MYOM1: variants seen among roughly 807,000 people sequenced by gnomAD.
The protein encoded by MYOM1 is myomesin 1.
In MYOM1, 164 loss-of-function variants were observed where a neutral mutation model predicts 205.3. The observed-to-expected ratio is 0.80, with a 90% confidence interval of 0.70 to 0.91. MYOM1 has a LOEUF of 0.91. Ranked by LOEUF, MYOM1 falls within the 40% of genes least tolerant of loss-of-function variation. The pLI is 0.00. For missense variants in MYOM1, 2,011 were observed against 2,127.3 expected, an observed-to-expected ratio of 0.95 and a Z score of 1.08; for synonymous variants, 772 against 789.4, an observed-to-expected ratio of 0.98 and a Z score of 0.37.
chr18:3,217,141 TGTAAG>T (rs1256258675), intron 1 of MYOM1: 1 of 152,322 alleles, frequency 6.6e-6, no homozygotes, highest in South Asian at 2.1e-4. Context: ...CCTCCAGAGT[TGTAAG>T]GTAATAAGTT....
intron 2 of MYOM1, among the ~76,000 whole-genome samples, chr18:3,211,324 C>CT: frequency 6.6e-6 from 1 of 152,190 alleles, no homozygotes; most frequent in East Asian, 1.9e-4. Context: ...ACTAGACTCT[C>CT]TGTTATTCAT....
chr18:3,169,930 G>A lies in MYOM1; in HGVS notation c.1175-949C>T, dbSNP rs189613322. Among the ~76,000 whole-genome samples, 73 of 152,170 alleles carry A rather than the reference G, an allele frequency of 4.8e-4. No individual in the cohort carries two copies. The South Asian group carries it at 7.5e-3, about 16-fold the overall frequency. ...CCATGGCAGAATGAATAAAGAAAAC[G>A]TGGTACATATACTCAATGGAATGTT... On this transcript the variant is annotated intron_variant, in intron 8 of 37. Coordinates refer to ENST00000356443, the MANE Select transcript of MYOM1 (RefSeq NM_003803.4).
At chr18:3,200,695 T>G (rs983297801) in intron 2 of MYOM1, among the ~76,000 whole-genome samples, 3 of 151,104 alleles carry the variant, frequency 2.0e-5, no homozygotes, top group Admixed American at 6.6e-5. Context: ...CAAAGAGAGA[T>G]AAAAGAATAA....
Position 3,083,905 on chromosome 18 carries a change from A to G in MYOM1, c.4379-11T>C, listed in dbSNP as rs2079119466. 1 of 1,575,820 alleles carries G rather than the reference A, an allele frequency of 6.3e-7. No individual in the cohort carries two copies. Among genetic ancestry groups the G allele is most frequent in the Admixed American group, 1.9e-5 (1 of 53,794 alleles). On this transcript the variant is annotated splice_polypyrimidine_tract_variant and intron_variant, in intron 32 of 37. Transcript: ENST00000356443. ...CTGTAGCAGACAAAGCTGAAAGAAGAAAATAGCATATTTCATACATCTGCA... is the reference window on the plus strand; with the variant it reads ...CTGTAGCAGACAAAGCTGAAAGAAGGAAATAGCATATTTCATACATCTGCA...
intron 15 of MYOM1, 95 bp from the exon 16 acceptor site, chr18:3,134,919 T>G: frequency 8.1e-7 from 1 of 1,237,592 alleles, no homozygotes; most frequent in Non-Finnish European, 1.2e-6. Context: ...TTTTACACAC[T>G]TCGTCATGTC....
chr18:3,237,380 C>T, the MYOM1 span, among the ~76,000 whole-genome samples: 1 of 151,738 alleles, frequency 6.6e-6, no homozygotes, highest in Non-Finnish European at 1.5e-5. Context: ...GCAGGTGGAT[C>T]ACGAGGTCAG....
chr18:3,174,145 C>G lies in MYOM1; in HGVS notation c.1086G>C (p.Ser362=), dbSNP rs371620091. The G allele has an allele frequency of 9.9e-5, 160 of 1,613,790 alleles. No individual in the cohort carries two copies. Among genetic ancestry groups the G allele is most frequent in the Middle Eastern group, 1.6e-4 (1 of 6,084 alleles). The change falls in exon 7 of 38, where the codon TCG becomes TCC. Residue 362 remains serine, a synonymous_variant. Transcript: ENST00000356443. ...TTTTTACCACAACTGAAGCATATGCCGAAAGCTCTCCTTTAACATTCATCG... is the reference window on the plus strand; with the variant it reads ...TTTTTACCACAACTGAAGCATATGCGGAAAGCTCTCCTTTAACATTCATCG... ...ASAMNVKGEL[S]AYASVVVKRY...
In MYOM1 at chr18:3,068,779, G is replaced by A. The variant is rs138457008; in HGVS notation, c.4765-1224C>T. Among the ~76,000 whole-genome samples, 26 of 152,270 alleles carry A rather than the reference G, an allele frequency of 1.7e-4. No homozygotes were observed. The East Asian group carries it at 4.8e-3, about 28-fold the overall frequency. ...GTTTATGCCCGTAAGGGTCATCTGA[G>A]CTTTTTCCAGTTTTAACTATGATGC... is the stretch of plus-strand genomic sequence containing the variant. On this transcript the variant is annotated intron_variant, in intron 37 of 37. Transcript: ENST00000356443.
intron 2 of MYOM1, among the ~76,000 whole-genome samples, chr18:3,213,082 C>T (rs999076825): frequency 2.0e-5 from 3 of 152,212 alleles, no homozygotes; most frequent in African/African-American, 7.2e-5. Context: ...TCCCAGGAGG[C>T]CACCATCACT....
At chr18:3,161,481 C>T (rs776303111) in intron 10 of MYOM1, among the ~76,000 whole-genome samples, 3 of 152,148 alleles carry the variant, frequency 2.0e-5, no homozygotes, top group Non-Finnish European at 2.9e-5. Flanking sequence ...GTGCACTAAG[C>T]AGAAGTGATG....
intron 13 of MYOM1, among the ~76,000 whole-genome samples, chr18:3,148,330 G>C (rs1203944159): frequency 6.6e-6 from 1 of 152,166 alleles, no homozygotes; most frequent in African/African-American, 2.4e-5. Flanking sequence ...ACTTTGGAAC[G>C]AATTGATACA....
chr18:3,073,696 T>C (rs1246087552), intron 36 of MYOM1, among the ~76,000 whole-genome samples: 1 of 152,232 alleles, frequency 6.6e-6, no homozygotes, highest in African/African-American at 2.4e-5. Flanking sequence ...ATGTTGCCTT[T>C]TCCGATGCTA....
chr18:3,201,449 C>G (rs1020024399), intron 2 of MYOM1, among the ~76,000 whole-genome samples: 1 of 151,212 alleles, frequency 6.6e-6, no homozygotes, highest in South Asian at 2.1e-4. Context: ...GTAATTTAAA[C>G]CCACACGAAA....
the MYOM1 span, among the ~76,000 whole-genome samples, chr18:3,241,516 G>A: frequency 0.013 from 1,931 of 152,328 alleles, 39 homozygotes; most frequent in African/African-American, 0.044. Context: ...GATTTCAGAG[G>A]TTGTATGGAA....
rs751551309 is a variant in MYOM1, at chr18:3,102,590, G to T, written c.3459C>A (p.Val1153=). The change falls in exon 23 of 38, where the codon GTC becomes GTA. Residue 1153 remains valine, a synonymous_variant. Transcript: ENST00000356443. ...TATCACACTCGAAGTTCAATGAAATGACTCCATCATCATCCACATTTACAA... is the reference window on the plus strand; with the variant it reads ...TATCACACTCGAAGTTCAATGAAATTACTCCATCATCATCCACATTTACAA... ...EVVVNVDDDG[V]ISLNFECDKM... is the part of the protein sequence containing the mutation. The T allele has an allele frequency of 3.1e-6, 5 of 1,613,774 alleles. No homozygotes were observed. The highest frequency in any genetic ancestry group is 3.4e-6 in the Non-Finnish European group (4 of 1,179,840).
intron 4 of MYOM1, 70 bp downstream of exon 4, chr18:3,188,666 TACACACACACAC>T (rs144550875): frequency 8.1e-6 from 9 of 1,113,512 alleles, no homozygotes; most frequent in South Asian, 1.9e-5. Flanking sequence ...AATCTATATC[TACACACACACAC>T]ACACACACAC....
At chr18:3,159,387 T>C (rs1373730713) in intron 10 of MYOM1, among the ~76,000 whole-genome samples, 1 of 152,226 alleles carries the variant, frequency 6.6e-6, no homozygotes, top group African/African-American at 2.4e-5. Flanking sequence ...TGCCCTGAAG[T>C]GACCTCGTGC....
chr18:3,136,589 G>A (rs945239060), intron 14 of MYOM1, among the ~76,000 whole-genome samples: 1 of 151,862 alleles, frequency 6.6e-6, no homozygotes, highest in African/African-American at 2.4e-5. Context: ...ACCACACCTG[G>A]CTAATTTTTG....
intron 19 of MYOM1, 119 bp from the exon 20 acceptor site, chr18:3,120,114 T>C: frequency 7.6e-7 from 1 of 1,316,266 alleles, no homozygotes; most frequent in Non-Finnish European, 1.0e-6. Context: ...TGACCCTCAA[T>C]GAGTCACACC....
Sources: allele counts gnomAD v4.1 joint callset (sites outside exome capture counted in the v4.1 genomes callset), GRCh38; gene constraint gnomAD v4.1.1; transcripts MANE v1.5; gene names NCBI Gene and HGNC (gene_info 2026-07-23, HGNC 2026-07-21).